Variants in ENPP1 observed in about 807,000 individuals in gnomAD.
ENPP1 encodes the protein ectonucleotide pyrophosphatase/phosphodiesterase 1.
A neutral mutation model predicts 122.8 loss-of-function variants in ENPP1; 73 were observed. The observed-to-expected ratio is 0.59, with a 90% CI of 0.49 to 0.72. ENPP1 has a LOEUF of 0.72. Ranked by LOEUF, ENPP1 falls within the 30% of genes least tolerant of loss-of-function variation. The probability of loss-of-function intolerance (pLI) is 0.00; values close to 1 mark genes in which losing one functional copy is unlikely to be tolerated. For synonymous variants in ENPP1, 367 were observed against 391.6 expected, an observed-to-expected ratio of 0.94 and a Z score of 0.74; for missense variants, 978 against 1,128.1, an observed-to-expected ratio of 0.87 and a Z score of 1.91.
intron 1 of ENPP1, among the ~76,000 whole-genome samples, chr6:131,822,113 C>T (rs949228716): frequency 2.0e-5 from 3 of 152,180 alleles, no homozygotes; most frequent in Non-Finnish European, 4.4e-5. Context: ...CAGGAAACAA[C>T]TCTACTTGGA....
intron 1 of ENPP1, among the ~76,000 whole-genome samples, chr6:131,813,733 G>A (rs1378519324): frequency 6.6e-6 from 1 of 152,086 alleles, no homozygotes; most frequent in African/African-American, 2.4e-5. Flanking sequence ...ACTCCAAAAG[G>A]GAGGGAGTAG....
At chr6:131,818,656 A>G (rs995784552) in intron 1 of ENPP1, among the ~76,000 whole-genome samples, 1 of 152,100 alleles carries the variant, frequency 6.6e-6, no homozygotes, top group East Asian at 1.9e-4. Flanking sequence ...TCAAAAAAAA[A>G]AAAAATGTCC....
intron 5 of ENPP1, among the ~76,000 whole-genome samples, chr6:131,852,437 C>G (rs1781894225): frequency 1.3e-5 from 2 of 152,046 alleles, no homozygotes; most frequent in African/African-American, 4.8e-5. Flanking sequence ...TTGAGTTATA[C>G]CAGTTTGGGC....
chr6:131,845,569 G>A (rs1490831366), intron 1 of ENPP1, among the ~76,000 whole-genome samples: 1 of 150,802 alleles, frequency 6.6e-6, no homozygotes, highest in Non-Finnish European at 1.5e-5. Flanking sequence ...CGATTCTCCT[G>A]TCTAAGCGCC....
chr6:131,822,381 G>A (rs924221639), intron 1 of ENPP1, among the ~76,000 whole-genome samples: 13 of 151,988 alleles, frequency 8.6e-5, no homozygotes, highest in African/African-American at 2.9e-4. Flanking sequence ...TTCCTTAACC[G>A]TAATATGAGG....
At chr6:131,843,185 A>G (rs2114683433) in intron 1 of ENPP1, among the ~76,000 whole-genome samples, 1 of 152,320 alleles carries the variant, frequency 6.6e-6, no homozygotes, top group Middle Eastern at 3.4e-3. Flanking sequence ...TCTGAAAATT[A>G]TTGAAGGGGA....
chr6:131,826,481 A>C lies in ENPP1; in HGVS notation c.240+18206A>C. 16 of 1,043,368 alleles carry C rather than the reference A, an allele frequency of 1.5e-5. No homozygotes were observed. In the South Asian group the frequency reaches 2.1e-4, roughly 14 times the overall value. 64.6% of individuals were successfully genotyped at this position (1,043,368 alleles called of 1,614,324 possible). On this transcript the variant is annotated intron_variant, in intron 1 of 24. Coordinates refer to ENST00000647893, the MANE Select transcript of ENPP1 (RefSeq NM_006208.3). Reference sequence around the variant, plus strand: ...GTAATGTTATTGTGCCATAAGTTTAAGCAGGAAAGATTCTGAAGATGCTGA... The same window carrying C: ...GTAATGTTATTGTGCCATAAGTTTACGCAGGAAAGATTCTGAAGATGCTGA...
chr6:131,823,665 A>G (rs568458884), intron 1 of ENPP1, among the ~76,000 whole-genome samples: 5 of 151,414 alleles, frequency 3.3e-5, no homozygotes, highest in African/African-American at 1.2e-4. Context: ...CTCTCAAATG[A>G]AACATTCTTT....
chr6:131,876,969 T>G, intron 17 of ENPP1, 23 bp from the exon 18 acceptor site: 1 of 1,612,216 alleles, frequency 6.2e-7, no homozygotes. Context: ...TCTAAGTAAC[T>G]CTACCATCTT....
At chr6:131,870,927 T>C (rs1178721435) in intron 13 of ENPP1, among the ~76,000 whole-genome samples, 1 of 152,006 alleles carries the variant, frequency 6.6e-6, no homozygotes, top group Non-Finnish European at 1.5e-5. Context: ...AATACAAAAA[T>C]TATCTGAGCG....
intron 14 of ENPP1, 98 bp downstream of exon 14, chr6:131,872,199 A>G: frequency 1.2e-6 from 1 of 836,164 alleles, no homozygotes; most frequent in South Asian, 1.5e-5. Flanking sequence ...TTGAAGGATT[A>G]GAATATTTTA....
At chr6:131,882,224 G>C (rs1275900245) in intron 20 of ENPP1, 121 bp from the exon 21 acceptor site, 2 of 765,562 alleles carry the variant, frequency 2.6e-6, no homozygotes, top group Non-Finnish European at 4.4e-6. Flanking sequence ...AAATAGGGAA[G>C]GACATGAGCT....
chr6:131,838,984 T>C (rs1243851024), intron 1 of ENPP1, among the ~76,000 whole-genome samples: 1 of 152,170 alleles, frequency 6.6e-6, no homozygotes, highest in Non-Finnish European at 1.5e-5. Context: ...ATAAACTTCT[T>C]ACACAGATTT....
At chr6:131,864,706 A>T in intron 10 of ENPP1, 135 bp downstream of exon 10, 1 of 811,496 alleles carries the variant, frequency 1.2e-6, no homozygotes, top group Non-Finnish European at 2.1e-6. Context: ...GTAAATGATC[A>T]TACCACATTT....
At chr6:131,812,535 A>C (rs1385590573) in intron 1 of ENPP1, among the ~76,000 whole-genome samples, 4 of 152,210 alleles carry the variant, frequency 2.6e-5, no homozygotes, top group Non-Finnish European at 1.5e-5. Context: ...TTTCAGTGAG[A>C]AACTTATAAG....
At position 131,873,018 on chromosome 6, in the gene ENPP1, A is replaced by G. The variant is rs1353464579; in HGVS notation, c.1533A>G (p.Thr511=). ...AGAGTGATAGAATTGAGCCCTTGACATTCTATTTGGACCCTCAGTGGCAAC... is the reference window on the plus strand; with the variant it reads ...AGAGTGATAGAATTGAGCCCTTGACGTTCTATTTGGACCCTCAGTGGCAAC... ...FAKSDRIEPL[T]FYLDPQWQLA... is the part of the protein sequence containing the mutation. Residue 511 remains threonine, a synonymous_variant, in exon 15 of 25, where the codon ACA becomes ACG. Transcript: ENST00000647893. 2 of 1,613,708 alleles carry G rather than the reference A, an allele frequency of 1.2e-6. No individual in the cohort carries two copies. The highest frequency in any genetic ancestry group is 8.5e-7 in the Non-Finnish European group (1 of 1,179,790).
At chr6:131,864,684 A>C in intron 10 of ENPP1, 113 bp downstream of exon 10, 1 of 854,216 alleles carries the variant, frequency 1.2e-6, no homozygotes, top group Non-Finnish European at 1.9e-6. Flanking sequence ...TTATATCGAA[A>C]TAAATTCTTT....
chr6:131,811,263 C>T (rs1781346286), intron 1 of ENPP1, among the ~76,000 whole-genome samples: 2 of 151,906 alleles, frequency 1.3e-5, no homozygotes. Flanking sequence ...ATACATATAT[C>T]TGTGTATCTG....
At chr6:131,839,564 C>G (rs957794862) in intron 1 of ENPP1, among the ~76,000 whole-genome samples, 7 of 152,138 alleles carry the variant, frequency 4.6e-5, no homozygotes, top group Admixed American at 6.5e-5. Flanking sequence ...CACATTAGTC[C>G]TGTGGTTGTC....
Sources: allele counts gnomAD v4.1 joint callset (sites outside exome capture counted in the v4.1 genomes callset), GRCh38; gene constraint gnomAD v4.1.1; transcripts MANE v1.5; gene names NCBI Gene and HGNC (gene_info 2026-07-23, HGNC 2026-07-21).